The following TRDN variants were observed in gnomAD, a reference collection of about 807,000 sequenced individuals.
TRDN encodes the protein triadin in skeletal muscle.
In TRDN, 161 loss-of-function variants were observed where a neutral mutation model predicts 149.7. That is an observed-to-expected ratio of 1.08 (90% confidence interval 0.95 to 1.23). TRDN has a LOEUF of 1.23. TRDN is among the 50% of genes most tolerant of loss of function. TRDN has a pLI of 0.00. For synonymous variants in TRDN, 294 were observed against 250.5 expected (o/e 1.17, Z -1.64); for missense variants, 896 against 823.5 (o/e 1.09, Z -1.08).
intron 8 of TRDN, chr6:123,502,950 A>G (rs1305938625): frequency 3.0e-6 from 3 of 985,232 alleles, no homozygotes; most frequent in African/African-American, 1.7e-5. Context: ...ATGTGGTACG[A>G]TAAGACCCTT....
At chr6:123,572,616 A>G (rs1782640293) in intron 1 of TRDN, among the ~76,000 whole-genome samples, 1 of 152,122 alleles carries the variant, frequency 6.6e-6, no homozygotes, top group African/African-American at 2.4e-5. Flanking sequence ...TAGCACTTTA[A>G]ATCCCAAATT....
chr6:123,329,126 A>T (rs1276398372), intron 23 of TRDN, among the ~76,000 whole-genome samples: 2 of 152,150 alleles, frequency 1.3e-5, no homozygotes, highest in Non-Finnish European at 2.9e-5. Flanking sequence ...CCACTACATG[A>T]TTACTGAATC....
At chr6:123,240,225 A>G (rs576988926) in intron 38 of TRDN, among the ~76,000 whole-genome samples, 1 of 152,074 alleles carries the variant, frequency 6.6e-6, no homozygotes, top group South Asian at 2.1e-4. Flanking sequence ...TGTATGTATC[A>G]GAAACTACAT....
intron 21 of TRDN, chr6:123,350,111 T>C (rs1582903116): frequency 1.0e-6 from 1 of 974,086 alleles, no homozygotes; most frequent in Admixed American, 6.2e-5. Flanking sequence ...CTTAATAAAA[T>C]GTTTACTAAC....
At position 123,620,782 on chromosome 6, in the gene TRDN, C is replaced by T. The variant is rs957129706; in HGVS notation, c.22+15972G>A. On this transcript the variant is annotated intron_variant, in intron 1 of 40. Coordinates refer to ENST00000334268, the MANE Select transcript of TRDN (RefSeq NM_006073.4). Reference sequence around the variant, plus strand: ...AAGATGGGCAATCTTCATCTAAAAGCAGGAAGAATAGAAGTGGAAACCTAA... The same window carrying T: ...AAGATGGGCAATCTTCATCTAAAAGTAGGAAGAATAGAAGTGGAAACCTAA... 6.4e-4 allele frequency among the ~76,000 whole-genome samples: 98 copies of T among 152,048 alleles called. 2 individuals carry two copies. Among genetic ancestry groups the T allele is most frequent in the Non-Finnish European group, 1.9e-4 (13 of 68,014 alleles).
At chr6:123,256,265 A>T (rs1033313225) in intron 35 of TRDN, among the ~76,000 whole-genome samples, 8 of 152,138 alleles carry the variant, frequency 5.3e-5, no homozygotes, top group Non-Finnish European at 7.3e-5. Context: ...AAAGGACATG[A>T]ACTCATTCAT....
At chr6:123,493,050 T>G (rs4332003) in intron 9 of TRDN, among the ~76,000 whole-genome samples, 141,839 of 152,150 alleles carry the variant, frequency 0.93, 66,199 homozygotes, top group East Asian at 1. Flanking sequence ...AAGATGTTAG[T>G]TCATTAAATG....
At chr6:123,344,244 T>G (rs1463764128) in intron 21 of TRDN, among the ~76,000 whole-genome samples, 1 of 152,064 alleles carries the variant, frequency 6.6e-6, no homozygotes, top group Admixed American at 6.6e-5. Flanking sequence ...TGTGGTACAT[T>G]TATTACCATC....
intron 24 of TRDN, among the ~76,000 whole-genome samples, chr6:123,294,236 T>A (rs1778111151): frequency 6.6e-6 from 1 of 152,166 alleles, no homozygotes; most frequent in South Asian, 2.1e-4. Flanking sequence ...GCTACCTGGT[T>A]ACATAGATAT....
At position 123,425,372 on chromosome 6, in the gene TRDN, T is replaced by C. The variant is rs116036993; in HGVS notation, c.1051+12691A>G. 1.5e-3 allele frequency among the ~76,000 whole-genome samples: 235 copies of C among 151,668 alleles called. 2 individuals carry two copies. The highest frequency in any genetic ancestry group is 5.4e-3 in the African/African-American group (222 of 41,324). On this transcript the variant is annotated intron_variant, in intron 12 of 40. Coordinates refer to ENST00000334268, the MANE Select transcript of TRDN (RefSeq NM_006073.4). ...TTAAATGGAGATGGTGAATAGGCAA[T>C]TGGATAGATGAAGGTGTGATTTTGG...
At chr6:123,292,829 A>G (rs1005827866) in intron 24 of TRDN, among the ~76,000 whole-genome samples, 1 of 152,186 alleles carries the variant, frequency 6.6e-6, no homozygotes, top group Non-Finnish European at 1.5e-5. Flanking sequence ...TCTCAGCCAG[A>G]AGTAGTAACA....
chr6:123,266,845 C>T (rs1447136274), intron 32 of TRDN, among the ~76,000 whole-genome samples: 1 of 137,118 alleles, frequency 7.3e-6, no homozygotes, highest in Non-Finnish European at 1.5e-5. Context: ...TAGAAGGATA[C>T]TTTAAGAAAT....
intron 12 of TRDN, among the ~76,000 whole-genome samples, chr6:123,400,246 A>G (rs1415059425): frequency 6.7e-6 from 1 of 150,136 alleles, no homozygotes; most frequent in Non-Finnish European, 1.5e-5. Flanking sequence ...TGATTTAGCC[A>G]TATTCTTCAG....
At chr6:123,533,931 T>C (rs1370707838) in intron 4 of TRDN, among the ~76,000 whole-genome samples, 1 of 152,162 alleles carries the variant, frequency 6.6e-6, no homozygotes, top group Non-Finnish European at 1.5e-5. Flanking sequence ...CAGTTATTTT[T>C]TACTCTATGG....
intron 9 of TRDN, among the ~76,000 whole-genome samples, chr6:123,484,080 T>A (rs992276797): frequency 1.2e-4 from 18 of 152,150 alleles, no homozygotes; most frequent in Non-Finnish European, 2.4e-4. Context: ...ATCAGTAACG[T>A]TAATGTTAAT....
intron 1 of TRDN, among the ~76,000 whole-genome samples, chr6:123,590,444 A>T (rs746863191): frequency 6.6e-6 from 1 of 152,144 alleles, no homozygotes; most frequent in Non-Finnish European, 1.5e-5. Flanking sequence ...TTGTATAATT[A>T]TTTTATTATA....
At chr6:123,439,998 C>T (rs761221771) in intron 10 of TRDN, among the ~76,000 whole-genome samples, 9 of 152,108 alleles carry the variant, frequency 5.9e-5, no homozygotes, top group Non-Finnish European at 7.4e-5. Flanking sequence ...CAAAGACTTC[C>T]GTTACCCAGA....
intron 26 of TRDN, among the ~76,000 whole-genome samples, chr6:123,276,522 C>A (rs892697289): frequency 1.3e-5 from 2 of 152,014 alleles, no homozygotes; most frequent in Non-Finnish European, 2.9e-5. Context: ...TACCGTTAAT[C>A]GAATAAGAAC....
At chr6:123,247,372 C>T (rs1228625719) in intron 38 of TRDN, among the ~76,000 whole-genome samples, 1 of 152,176 alleles carries the variant, frequency 6.6e-6, no homozygotes, top group Non-Finnish European at 1.5e-5. Context: ...CCCAAAAACT[C>T]ATTTAGCTAA....
Sources: gnomAD v4.1 joint callset for allele counts (sites outside exome capture counted in the v4.1 genomes callset) on GRCh38, gnomAD v4.1.1 for gene constraint, MANE v1.5 for transcripts, NCBI Gene and HGNC (gene_info 2026-07-23, HGNC 2026-07-21) for gene names.